The following XG variants were observed in gnomAD, a reference collection of about 807,000 sequenced individuals.
The protein encoded by XG is Xg glycoprotein (Xg blood group).
In XG, 24 loss-of-function variants were observed where a neutral mutation model predicts 25.7. That is an observed-to-expected ratio of 0.93 (90% CI 0.68 to 1.31). XG has a LOEUF of 1.31. Ranked by LOEUF, XG falls within the 40% of genes most tolerant of loss-of-function variation. XG has a pLI of 0.00. For synonymous variants in XG, 77 were observed against 69.2 expected, an observed-to-expected ratio of 1.11 and a Z score of -0.56; for missense variants, 181 against 187.6, an observed-to-expected ratio of 0.96 and a Z score of 0.21.
chrX:2,761,597 C>T (rs1355468729), intron 1 of XG, among the ~76,000 whole-genome samples: 2 of 150,300 alleles, frequency 1.3e-5, no homozygotes, highest in Non-Finnish European at 3.0e-5. Flanking sequence ...TGCCCATATC[C>T]TGATCTCAAG....
chrX:2,780,038 A>G (rs1331538443), intron 3 of XG, among the ~76,000 whole-genome samples: 1 of 151,998 alleles, frequency 6.6e-6, no homozygotes, highest in African/African-American at 2.4e-5. Context: ...ATTATTTTTT[A>G]TTTGTATTAC....
At chrX:2,772,623 C>G (rs1018278742) in intron 2 of XG, among the ~76,000 whole-genome samples, 4 of 152,126 alleles carry the variant, frequency 2.6e-5, no homozygotes, top group African/African-American at 7.2e-5. Context: ...TGTTCTGGAA[C>G]TAGATACAGG....
intron 8 of XG, 131 bp downstream of exon 8, chrX:2,806,876 C>A: frequency 1.9e-6 from 1 of 531,794 alleles, no homozygotes; most frequent in South Asian, 4.0e-5. Context: ...TCGAGTCTCT[C>A]ATTTGCATTT....
intron 1 of XG, among the ~76,000 whole-genome samples, chrX:2,768,710 G>C (rs921917032): frequency 4.6e-5 from 7 of 152,222 alleles, no homozygotes; most frequent in Non-Finnish European, 8.8e-5. Context: ...GGGAGTTGCA[G>C]TGGGCTGAGA....
intron 1 of XG, among the ~76,000 whole-genome samples, chrX:2,768,754 A>G (rs904148607): frequency 2.0e-5 from 3 of 152,170 alleles, no homozygotes; most frequent in Non-Finnish European, 4.4e-5. Flanking sequence ...GGCGACAGAG[A>G]GAGACGCCAT....
chrX:2,795,065 T>C (rs1382793016), intron 6 of XG, among the ~76,000 whole-genome samples: 2 of 110,372 alleles, frequency 1.8e-5, no homozygotes, highest in Admixed American at 2.0e-4. Flanking sequence ...TTTTCATGTG[T>C]GTATATACAT....
chrX:2,768,047 T>G (rs992740817), intron 1 of XG, among the ~76,000 whole-genome samples: 36 of 152,194 alleles, frequency 2.4e-4, no homozygotes, highest in African/African-American at 8.2e-4. Flanking sequence ...GGCCTCCTGC[T>G]GCAGGATGAG....
chrX:2,782,061 C>T lies in XG; in HGVS notation c.128-5C>T. On this transcript the variant is annotated splice_region_variant and splice_polypyrimidine_tract_variant and intron_variant, in intron 3 of 10. Transcript: ENST00000644266. ...TCTAACAGTGCAATGTTGTTTCCTCCACAGATATCTACCCAAAGCCAAAAC... is the reference window on the plus strand; with the variant it reads ...TCTAACAGTGCAATGTTGTTTCCTCTACAGATATCTACCCAAAGCCAAAAC... 8.3e-7 allele frequency: 1 copy of T among 1,210,725 alleles called. No homozygotes were observed. The highest frequency in any genetic ancestry group is 1.1e-6 in the Non-Finnish European group (1 of 894,639).
At chrX:2,756,962 T>C (rs1172952948) in intron 1 of XG, among the ~76,000 whole-genome samples, 2 of 152,196 alleles carry the variant, frequency 1.3e-5, no homozygotes, top group Non-Finnish European at 2.9e-5. Context: ...GCCGTCTTGG[T>C]ACCCGGGTTC....
chrX:2,781,399 C>T (rs1247149677), intron 3 of XG, among the ~76,000 whole-genome samples: 1 of 151,206 alleles, frequency 6.6e-6, no homozygotes, highest in Non-Finnish European at 1.5e-5. Context: ...CACCTGGACC[C>T]ATTAGATTAA....
chrX:2,775,232 A>G (rs2050951363), intron 3 of XG, among the ~76,000 whole-genome samples: 1 of 152,258 alleles, frequency 6.6e-6, no homozygotes, highest in East Asian at 1.9e-4. Flanking sequence ...CTCACATGTT[A>G]ATCAGTGGAA....
chrX:2,811,033 C>T (rs2087050416), intron 9 of XG, among the ~76,000 whole-genome samples: 1 of 111,456 alleles, frequency 9.0e-6, no homozygotes. Flanking sequence ...CAAATCCTGG[C>T]CTTGGATGTC....
intron 4 of XG, 140 bp downstream of exon 4, chrX:2,782,268 A>C: frequency 1.4e-6 from 1 of 694,819 alleles, no homozygotes; most frequent in South Asian, 2.6e-5. Context: ...TTCTTTCCTC[A>C]CTGGGGGGAG....
In XG at chrX:2,809,633, G is replaced by A. The variant is rs748787863; in HGVS notation, c.454+1413G>A. Among the ~76,000 whole-genome samples, 22 of 112,502 alleles carry A rather than the reference G, an allele frequency of 2.0e-4. No individual in the cohort carries two copies. In the South Asian group the frequency reaches 2.2e-3, roughly 11 times the overall value. ...GAAATAACAACCATTTATTATGTTCGTGATTATGTGAGTCAGCAATTTGGG... is the reference window on the plus strand; with the variant it reads ...GAAATAACAACCATTTATTATGTTCATGATTATGTGAGTCAGCAATTTGGG... On this transcript the variant is annotated intron_variant, in intron 9 of 10. Coordinates refer to ENST00000644266, the MANE Select transcript of XG (RefSeq NM_001141919.2).
intron 10 of XG, among the ~76,000 whole-genome samples, chrX:2,811,696 A>G (rs1181540549): frequency 9.0e-6 from 1 of 111,637 alleles, no homozygotes; most frequent in African/African-American, 3.3e-5. Flanking sequence ...CCTGGGTTCA[A>G]GAGATTCTCT....
At chrX:2,779,721 A>G (rs2124480997) in intron 3 of XG, among the ~76,000 whole-genome samples, 1 of 152,218 alleles carries the variant, frequency 6.6e-6, no homozygotes, top group South Asian at 2.1e-4. Context: ...ATCTTGGCTC[A>G]CTGTAACCTC....
chrX:2,794,400 GGGCGTCCTGCAAAGAGCCAGTT>G, intron 5 of XG, 113 bp from the exon 6 acceptor site: 2 of 666,635 alleles, frequency 3.0e-6, no homozygotes, highest in South Asian at 3.2e-5. Flanking sequence ...TGGTGCCTGT[GGGCGTCCTGCAAAGAGCCAGTT>G]GGCGTCGGAA....
intron 6 of XG, among the ~76,000 whole-genome samples, chrX:2,795,985 A>G (rs1168781474): frequency 1.8e-5 from 2 of 109,878 alleles, no homozygotes; most frequent in African/African-American, 6.5e-5. Context: ...GTATCTTTAT[A>G]TATATCTTTA....
At chrX:2,799,635 G>A (rs146537918) in intron 7 of XG, among the ~76,000 whole-genome samples, 1,633 of 111,183 alleles carry the variant, frequency 0.015, 25 homozygotes, top group African/African-American at 0.05. Flanking sequence ...CTGCAAAGCT[G>A]TCGATTTGCA....
Sources: allele counts gnomAD v4.1 joint callset (sites outside exome capture counted in the v4.1 genomes callset), GRCh38; gene constraint gnomAD v4.1.1; transcripts MANE v1.5; gene names NCBI Gene and HGNC (gene_info 2026-07-23, HGNC 2026-07-21).